Variants in LAIR1 observed in about 807,000 individuals in gnomAD.
LAIR1 encodes the protein leukocyte-associated immunoglobulin-like receptor 1.
Under a neutral mutation model 32.8 loss-of-function variants are expected in LAIR1, and 24 were observed. The observed-to-expected ratio is 0.73, with a 90% CI of 0.53 to 1.03. The LOEUF is 1.03. Ranked by LOEUF, LAIR1 falls within the 50% of genes least tolerant of loss-of-function variation. The pLI is 0.00. For missense variants in LAIR1, 355 were observed against 347.5 expected (o/e 1.02, Z -0.17); for synonymous variants, 150 against 140.5 (o/e 1.07, Z -0.48).
At chr19:54,364,943 G>C, upstream of LAIR1, 10 of 1,560,394 alleles carry the variant, frequency 6.4e-6, no homozygotes, top group Non-Finnish European at 8.7e-6. The surrounding 1 kb of genome is among the most constrained non-coding windows in gnomAD (Gnocchi z 4.8). Flanking sequence ...CCTCACACAA[G>C]AGGAAGAGCT....
At chr19:54,358,714 C>T (rs565212748) in intron 4 of LAIR1, 1 of 895,336 alleles carries the variant, frequency 1.1e-6, no homozygotes, top group East Asian at 2.8e-5. Context: ...GCCGTGTGTA[C>T]CTGAACTCAA....
chr19:54,368,629 T>C (rs535710817), upstream of LAIR1: 1 of 152,222 alleles, frequency 6.6e-6, no homozygotes, highest in African/African-American at 2.4e-5. Flanking sequence ...AGATTCCTCA[T>C]GCTCCTTTGC....
At chr19:54,366,966 C>T (rs565150499), upstream of LAIR1, among the ~76,000 whole-genome samples, 1 of 152,050 alleles carries the variant, frequency 6.6e-6, no homozygotes, top group East Asian at 1.9e-4. Context: ...AAGAAAAGTC[C>T]GTTTTCAGGG....
At chr19:54,361,339 A>G in intron 2 of LAIR1, 130 bp from the exon 3 acceptor site, 8 of 953,990 alleles carry the variant, frequency 8.4e-6, no homozygotes, top group African/African-American at 1.6e-5. Context: ...CCACAGCCCA[A>G]CCTTAGAACA....
rs1004201629 is a variant in LAIR1, at chr19:54,351,901, T to G, written c.*3367A>C. 6.6e-6 allele frequency: 1 copy of G among 151,918 alleles called. No homozygotes were observed. Among genetic ancestry groups the G allele is most frequent in the Admixed American group, 6.6e-5 (1 of 15,258 alleles). 9.4% of individuals were successfully genotyped at this position (151,918 alleles called of 1,614,324 possible). A position where few individuals can be genotyped will look rare whatever the true frequency, so the allele number is the denominator to read the frequency against. On this transcript the variant is annotated 3_prime_UTR_variant, in exon 10 of 10. Transcript: ENST00000391742. ...AAAGTTAAAAAAAAGAAAAAAAAAG[T>G]CCACCCTATAGTTTGTATAACAAAC...
chr19:54,371,116 T>C (rs1014113477), upstream of LAIR1, among the ~76,000 whole-genome samples: 1 of 151,228 alleles, frequency 6.6e-6, no homozygotes, highest in Non-Finnish European at 1.5e-5. Context: ...ATCAGACAAT[T>C]GATAAAGCAT....
chr19:54,361,901 C>T (rs1045058255), intron 2 of LAIR1, among the ~76,000 whole-genome samples: 5 of 152,058 alleles, frequency 3.3e-5, no homozygotes, highest in African/African-American at 9.7e-5. Flanking sequence ...TTTATCTCAA[C>T]TGGGCTTGGG....
chr19:54,364,930 C>T lies in LAIR1; in HGVS notation c.-126G>A. The T allele has an allele frequency of 6.3e-7, 1 of 1,579,906 alleles. No homozygotes were observed. Among genetic ancestry groups the T allele is most frequent in the South Asian group, 1.1e-5 (1 of 87,462 alleles). ...CCTGCCTATGGGGCTTCCACAGCAA[C>T]TGCCTCACACAAGAGGAAGAGCTTT... is the stretch of plus-strand genomic sequence containing the variant. On this transcript the variant is annotated 5_prime_UTR_variant, in exon 1 of 10. Transcript: ENST00000391742. This position sits in a 1 kb window ranked among gnomAD's most constrained non-coding sequence, Gnocchi z 4.8.
the LAIR1 span, among the ~76,000 whole-genome samples, chr19:54,376,060 G>C: frequency 6.9e-6 from 1 of 144,276 alleles, no homozygotes; most frequent in Non-Finnish European, 1.6e-5. Flanking sequence ...GGAGTGCTCT[G>C]TTACCAGTGA....
At chr19:54,366,088 G>T (rs1252030809), upstream of LAIR1, among the ~76,000 whole-genome samples, 1 of 152,170 alleles carries the variant, frequency 6.6e-6, no homozygotes, top group Non-Finnish European at 1.5e-5. Flanking sequence ...CAACATCACA[G>T]CAGGGAATGG....
upstream of LAIR1, among the ~76,000 whole-genome samples, chr19:54,373,302 G>A (rs929084785): frequency 1.3e-5 from 2 of 151,574 alleles, no homozygotes; most frequent in African/African-American, 4.9e-5. Context: ...AAGTTAGCTG[G>A]GCGTGGTGGC....
At chr19:54,358,942 A>G (rs546971623) in intron 4 of LAIR1, among the ~76,000 whole-genome samples, 2,214 of 150,602 alleles carry the variant, frequency 0.015, 8 homozygotes, top group African/African-American at 0.052. Context: ...AGAAGAGAGA[A>G]GGAAGGAGAA....
chr19:54,367,673 G>A (rs1407642626), upstream of LAIR1, among the ~76,000 whole-genome samples: 3 of 151,674 alleles, frequency 2.0e-5, no homozygotes, highest in Non-Finnish European at 2.9e-5. Context: ...GGGAACCCGG[G>A]AGGCGGAGGC....
upstream of LAIR1, among the ~76,000 whole-genome samples, chr19:54,373,294 G>T (rs1357940973): frequency 6.7e-6 from 1 of 150,104 alleles, no homozygotes; most frequent in African/African-American, 2.5e-5. Flanking sequence ...AATACAAAAA[G>T]TTAGCTGGGC....
chr19:54,356,531 C>CAGG lies in LAIR1; in HGVS notation c.540_542dup (p.Leu181dup). 1 of 1,613,860 alleles carries CAGG rather than the reference C, an allele frequency of 6.2e-7. No homozygotes were observed. The highest frequency in any genetic ancestry group is 8.5e-7 in the Non-Finnish European group (1 of 1,179,970). ...TCTGGCGATGGAGGCAGAAGAGGAC[C>CAGG]AGGAGGAGGAGACAGAAGAGGAAGA... On this transcript the variant is annotated inframe_insertion, in exon 6 of 10. Transcript: ENST00000391742.
upstream of LAIR1, chr19:54,365,094 A>G (rs1361760970): frequency 1.5e-6 from 2 of 1,314,164 alleles, no homozygotes; most frequent in Non-Finnish European, 1.9e-6. Context: ...CTCTTTCTAA[A>G]TCTATGGGAC....
At chr19:54,371,402 G>A (rs529468861), upstream of LAIR1, among the ~76,000 whole-genome samples, 1 of 151,222 alleles carries the variant, frequency 6.6e-6, no homozygotes, top group Admixed American at 6.6e-5. Flanking sequence ...AGGCTCCAGC[G>A]ATCCTCCTGC....
rs773283106 is a variant in LAIR1, at chr19:54,364,756, G to C, written c.34+15C>G. On this transcript the variant is annotated intron_variant, in intron 1 of 9. Transcript: ENST00000391742. The surrounding 1 kb of genome is among the most constrained non-coding windows in gnomAD (Gnocchi z 4.8). ...CGACCCCCTTTCCAGCCTCCCGGCTGCCTCCAGGACTCACCTAGGCCCAGG... is the reference window on the plus strand; with the variant it reads ...CGACCCCCTTTCCAGCCTCCCGGCTCCCTCCAGGACTCACCTAGGCCCAGG... 9.5e-5 allele frequency: 152 copies of C among 1,608,070 alleles called. No individual in the cohort carries two copies. The highest frequency in any genetic ancestry group is 6.4e-4 in the Admixed American group (38 of 59,742).
chr19:54,365,781 TAAA>T (rs143572464), upstream of LAIR1, among the ~76,000 whole-genome samples: 1 of 131,700 alleles, frequency 7.6e-6, no homozygotes, highest in Non-Finnish European at 1.7e-5. Context: ...AGACTCTGTC[TAAA>T]AAAAAAAAAA....
Sources: gnomAD v4.1 joint callset for allele counts (sites outside exome capture counted in the v4.1 genomes callset) on GRCh38, gnomAD v4.1.1 for gene constraint, Gnocchi (gnomAD v3.1) non-coding constraint, MANE v1.5 for transcripts, NCBI Gene and HGNC (gene_info 2026-07-23, HGNC 2026-07-21) for gene names.